KPNA7: variants seen among roughly 807,000 people sequenced by gnomAD.
The protein encoded by KPNA7 is importin subunit alpha-8.
A neutral mutation model predicts 53.7 loss-of-function variants in KPNA7; 54 were observed. The ratio of observed to expected loss-of-function variants is 1.01; its 90% confidence interval spans 0.81 to 1.26. KPNA7 has a LOEUF of 1.26. Among genes scored for constraint, KPNA7 ranks in the 50% most tolerant of loss-of-function variants. KPNA7 has a pLI of 0.00. For missense variants in KPNA7, 640 were observed against 644.5 expected (o/e 0.99, Z 0.07); for synonymous variants, 276 against 259.3 (o/e 1.06, Z -0.62).
intron 3 of KPNA7, among the ~76,000 whole-genome samples, chr7:99,197,669 G>T (rs1790300406): frequency 6.6e-6 from 1 of 152,136 alleles, no homozygotes; most frequent in Non-Finnish European, 1.5e-5. Context: ...TGGAATTGGA[G>T]AATACAATAA....
intron 6 of KPNA7, among the ~76,000 whole-genome samples, chr7:99,191,092 T>A (rs1789924589): frequency 6.6e-6 from 1 of 151,934 alleles, no homozygotes; most frequent in Non-Finnish European, 1.5e-5. Flanking sequence ...CTTCTTGCTG[T>A]CTCCCTTTCA....
intron 1 of KPNA7, 85 bp from the exon 2 acceptor site, chr7:99,207,574 G>A (rs1790880060): frequency 2.0e-6 from 1 of 499,456 alleles, no homozygotes; most frequent in Non-Finnish European, 3.8e-6. Context: ...AACCCTTAAA[G>A]GGCTCACAGT....
At chr7:99,158,905 C>T in the KPNA7 span, among the ~76,000 whole-genome samples, 5 of 151,956 alleles carry the variant, frequency 3.3e-5, no homozygotes, top group Non-Finnish European at 7.4e-5. Context: ...AGCTCTGTCA[C>T]CCAGACTGGA....
chr7:99,218,284 G>T (rs142901723), intron 1 of KPNA7, among the ~76,000 whole-genome samples: 1 of 152,246 alleles, frequency 6.6e-6, no homozygotes, highest in African/African-American at 2.4e-5. Flanking sequence ...GCCATACCTG[G>T]CTGATTTTTT....
chr7:99,210,287 A>G (rs1441101428), upstream of KPNA7, among the ~76,000 whole-genome samples: 1 of 152,130 alleles, frequency 6.6e-6, no homozygotes, highest in Non-Finnish European at 1.5e-5. Context: ...TCTCTGCTTA[A>G]ACATCTCTGA....
At chr7:99,191,424 CG>C (rs1198169590) in intron 6 of KPNA7, among the ~76,000 whole-genome samples, 1 of 151,974 alleles carries the variant, frequency 6.6e-6, no homozygotes, top group African/African-American at 2.4e-5. Context: ...AAAGTGCTAC[CG>C]CATCCGGCCT....
the KPNA7 span, among the ~76,000 whole-genome samples, chr7:99,146,112 T>G: frequency 6.6e-6 from 1 of 152,166 alleles, no homozygotes; most frequent in East Asian, 1.9e-4. Flanking sequence ...TTCCCCCCTA[T>G]TCAAAGAGTC....
rs1273195425 is a variant in KPNA7, at chr7:99,180,895, CT to C, written c.1317+987del. ...TCTCTCCCCGTCTGTGTCTCTCTCT[CT>C]CCCCATCTCTCTCTCCCCGTCTGTG... On this transcript the variant is annotated intron_variant, in intron 9 of 10. Coordinates refer to ENST00000327442, the MANE Select transcript of KPNA7 (RefSeq NM_001145715.3). 2.7e-5 allele frequency among the ~76,000 whole-genome samples: 3 copies of C among 110,948 alleles called. 1 individual carries two copies. Among genetic ancestry groups the C allele is most frequent in the Non-Finnish European group, 5.3e-5 (3 of 56,222 alleles). 72.8% of individuals were successfully genotyped at this position (110,948 alleles called of 152,430 possible). A position where few individuals can be genotyped will look rare whatever the true frequency, so the allele number is the denominator to read the frequency against.
chr7:99,172,812 C>CGG (rs1243260694), downstream of KPNA7, among the ~76,000 whole-genome samples: 17 of 152,052 alleles, frequency 1.1e-4, no homozygotes, highest in Non-Finnish European at 2.1e-4. Context: ...CCTGTAATCC[C>CGG]AGCACTTTAG....
chr7:99,201,119 T>C (rs1161332079), intron 3 of KPNA7, among the ~76,000 whole-genome samples: 1 of 152,220 alleles, frequency 6.6e-6, no homozygotes, highest in Non-Finnish European at 1.5e-5. Flanking sequence ...TTTATATGAT[T>C]GCATTTCTAG....
chr7:99,192,998 G>C (rs74537029), intron 6 of KPNA7, 21 bp downstream of exon 6: 1 of 1,409,184 alleles, frequency 7.1e-7, no homozygotes, highest in Non-Finnish European at 9.5e-7. Context: ...AAAAAAAAAA[G>C]AGAAAGAAAA....
At chr7:99,180,695 CTCTGTCTGTG>C (rs1563067806) in intron 9 of KPNA7, among the ~76,000 whole-genome samples, 2 of 109,040 alleles carry the variant, frequency 1.8e-5, no homozygotes, top group East Asian at 3.7e-4. Context: ...CCGTCTGTGT[CTCTGTCTGTG>C]TCTCTCTCTC....
intron 2 of KPNA7, among the ~76,000 whole-genome samples, 196 bp from the exon 3 acceptor site, chr7:99,203,436 A>G (rs1371621086): frequency 6.6e-6 from 1 of 152,158 alleles, no homozygotes; most frequent in Non-Finnish European, 1.5e-5. Flanking sequence ...CTTCTAGAAA[A>G]TAATTTGATC....
At chr7:99,212,337 C>G (rs954582435), upstream of KPNA7, among the ~76,000 whole-genome samples, 3 of 146,220 alleles carry the variant, frequency 2.1e-5, no homozygotes, top group Non-Finnish European at 3.0e-5. Flanking sequence ...CTCCACCTCT[C>G]GGTTCAAGCA....
chr7:99,214,256 C>G lies in KPNA7; in HGVS notation c.-23-6767G>C, dbSNP rs146124110. On this transcript the variant is annotated intron_variant, in intron 1 of 10. Transcript: ENST00000681060. Reference sequence around the variant, plus strand: ...ATCATCCTTGGCCAATGTGGCAAAACCCCGTCTCTACTAAAAATATACAAA... The same window carrying G: ...ATCATCCTTGGCCAATGTGGCAAAAGCCCGTCTCTACTAAAAATATACAAA... 2.0e-3 allele frequency among the ~76,000 whole-genome samples: 296 copies of G among 150,542 alleles called. 1 individual carries two copies. Among genetic ancestry groups the G allele is most frequent in the Middle Eastern group, 6.8e-3 (2 of 294 alleles).
chr7:99,174,722 T>C (rs1025540797), intron 10 of KPNA7, among the ~76,000 whole-genome samples: 1 of 152,150 alleles, frequency 6.6e-6, no homozygotes, highest in Non-Finnish European at 1.5e-5. Flanking sequence ...ATGATAGGTA[T>C]AGTTACTACT....
At chr7:99,191,692 C>T (rs1435187071) in intron 6 of KPNA7, among the ~76,000 whole-genome samples, 1 of 152,098 alleles carries the variant, frequency 6.6e-6, no homozygotes, top group Non-Finnish European at 1.5e-5. Flanking sequence ...CTCTGTTGCC[C>T]AGGCTGGGGC....
At chr7:99,161,222 A>ACT in the KPNA7 span, among the ~76,000 whole-genome samples, 589 of 147,752 alleles carry the variant, frequency 4.0e-3, 14 homozygotes, top group African/African-American at 0.013. Context: ...ATGTACACAA[A>ACT]CTCTCTCTCT....
rs1790873696 is a variant in KPNA7 at position 99,207,472 on chromosome 7, C to T, written c.-6G>A. 6.4e-7 allele frequency: 1 copy of T among 1,550,952 alleles called. No individual in the cohort carries two copies. The highest frequency in any genetic ancestry group is 1.2e-5 in the South Asian group (1 of 84,038). ...GGAGCATCTAAGGTCGGCATATTGA[C>T]TGGAAGTAGTAAGTTACCTGCAGGT... On this transcript the variant is annotated 5_prime_UTR_variant, in exon 2 of 11. Coordinates refer to ENST00000327442, the MANE Select transcript of KPNA7 (RefSeq NM_001145715.3).
Sources: allele counts gnomAD v4.1 joint callset (sites outside exome capture counted in the v4.1 genomes callset), GRCh38; gene constraint gnomAD v4.1.1; transcripts MANE v1.5; gene names NCBI Gene and HGNC (gene_info 2026-07-23, HGNC 2026-07-21).